Variants in HDAC4 observed in about 807,000 individuals in gnomAD.
HDAC4 encodes histone deacetylase A.
A neutral mutation model predicts 135.1 loss-of-function variants in HDAC4; 16 were observed. The ratio of observed to expected loss-of-function variants is 0.12; its 90% CI spans 0.08 to 0.18. The LOEUF is 0.18. HDAC4 is among the 10% of genes least tolerant of loss of function. The pLI is 1.00. For synonymous variants in HDAC4, 685 were observed against 653.4 expected (o/e 1.05, Z -0.74); for missense variants, 1,143 against 1,511.8 (o/e 0.76, Z 4.05).
intron 2 of HDAC4, among the ~76,000 whole-genome samples, chr2:239,297,738 A>G (rs922986155): frequency 6.6e-6 from 1 of 152,236 alleles, no homozygotes; most frequent in Non-Finnish European, 1.5e-5. Context: ...CTCTGGGCTC[A>G]GCCCCACCTG....
chr2:239,373,749 ACT>A (rs1192537892), intron 1 of HDAC4, among the ~76,000 whole-genome samples: 3 of 151,520 alleles, frequency 2.0e-5, no homozygotes, highest in Non-Finnish European at 2.9e-5. Context: ...TTTTTCCAAA[ACT>A]CTCATTTCTT....
chr2:239,335,214 TGC>T (rs2125837743), intron 2 of HDAC4, among the ~76,000 whole-genome samples: 1 of 152,210 alleles, frequency 6.6e-6, no homozygotes, highest in South Asian at 2.1e-4. Context: ...TAGAATAAAG[TGC>T]AAAAACAGAT....
chr2:239,060,829 G>A (rs921653593), intron 24 of HDAC4, among the ~76,000 whole-genome samples: 2 of 152,268 alleles, frequency 1.3e-5, no homozygotes, highest in African/African-American at 2.4e-5. Context: ...GCCCGGGCCC[G>A]TGTGGGATGC....
chr2:239,186,339 ATC>A (rs1474096186), intron 4 of HDAC4: 1 of 152,270 alleles, frequency 6.6e-6, no homozygotes, highest in Non-Finnish European at 1.5e-5. Flanking sequence ...TGTTCAAGAA[ATC>A]TGTCTGACAA....
upstream of HDAC4, chr2:239,401,358 C>G (rs962925512): frequency 6.4e-6 from 1 of 155,308 alleles, no homozygotes; most frequent in Non-Finnish European, 1.4e-5. Context: ...CGTCCTGGAC[C>G]TCATTGGCTG....
At chr2:239,276,168 C>T (rs891354275) in intron 2 of HDAC4, among the ~76,000 whole-genome samples, 1 of 152,224 alleles carries the variant, frequency 6.6e-6, no homozygotes, top group Non-Finnish European at 1.5e-5. Flanking sequence ...CTGGTGGCAA[C>T]GCAGAGAACC....
intron 19 of HDAC4, among the ~76,000 whole-genome samples, chr2:239,084,882 A>AC (rs140569180): frequency 0.014 from 1,456 of 103,180 alleles, 34 homozygotes; most frequent in African/African-American, 0.048. Context: ...GCCCATACCC[A>AC]CCCCCCCCAC....
chr2:239,371,963 C>T (rs1694653781), intron 1 of HDAC4, among the ~76,000 whole-genome samples: 1 of 152,356 alleles, frequency 6.6e-6, no homozygotes, highest in East Asian at 1.9e-4. Context: ...AAACATCCAG[C>T]AGCTGGCGGA....
At chr2:239,236,553 C>T (rs940870449) in intron 3 of HDAC4, 40 bp downstream of exon 3, 41 of 1,506,874 alleles carry the variant, frequency 2.7e-5, no homozygotes, top group Non-Finnish European at 3.3e-5. Flanking sequence ...TTTGGCTCAG[C>T]GCAGGGCCGG....
chr2:239,238,367 C>G (rs953527430), intron 2 of HDAC4, among the ~76,000 whole-genome samples: 2 of 151,922 alleles, frequency 1.3e-5, no homozygotes, highest in Non-Finnish European at 2.9e-5. Context: ...TCAGAAACAG[C>G]AGAAGGCCCT....
intron 2 of HDAC4, among the ~76,000 whole-genome samples, chr2:239,289,133 G>A (rs1269806695): frequency 1.3e-5 from 2 of 152,214 alleles, no homozygotes; most frequent in Non-Finnish European, 2.9e-5. Context: ...CCCAGAGAAA[G>A]GGTGTAAAGT....
chr2:239,378,893 T>A (rs1695215973), intron 1 of HDAC4, among the ~76,000 whole-genome samples: 1 of 152,208 alleles, frequency 6.6e-6, no homozygotes, highest in Admixed American at 6.5e-5. Flanking sequence ...CCAGGCCTCC[T>A]CGAAGACTGC....
intron 1 of HDAC4, among the ~76,000 whole-genome samples, chr2:239,379,739 C>A (rs903738669): frequency 6.6e-6 from 1 of 152,218 alleles, no homozygotes; most frequent in Non-Finnish European, 1.5e-5. Context: ...TCCAAGCCCC[C>A]CATCGGCTGC....
intron 11 of HDAC4, among the ~76,000 whole-genome samples, chr2:239,128,576 C>T (rs535109165): frequency 2.8e-4 from 42 of 152,032 alleles, no homozygotes; most frequent in African/African-American, 9.6e-4. Flanking sequence ...CAATTGTTGA[C>T]GTGTGTATTA....
In HDAC4 at chr2:239,257,819, A is replaced by G. The variant is rs148676316; in HGVS notation, c.23-21155T>C. 6.5e-3 allele frequency among the ~76,000 whole-genome samples: 984 copies of G among 152,318 alleles called. 13 individuals are homozygous for G. Among genetic ancestry groups the G allele is most frequent in the African/African-American group, 0.023 (940 of 41,562 alleles). Reference sequence around the variant, plus strand: ...AACACACACACTTACACATTCACATATCAGGCAGAGGAAAAGACAACCCAA... The same window carrying G: ...AACACACACACTTACACATTCACATGTCAGGCAGAGGAAAAGACAACCCAA... On this transcript the variant is annotated intron_variant, in intron 2 of 26. Coordinates refer to ENST00000543185, the MANE Select transcript of HDAC4 (RefSeq NM_001378414.1).
intron 2 of HDAC4, among the ~76,000 whole-genome samples, chr2:239,310,080 A>G (rs2052797918): frequency 6.6e-6 from 1 of 152,230 alleles, no homozygotes; most frequent in Non-Finnish European, 1.5e-5. Flanking sequence ...CTGTGCGTAG[A>G]GGTGCTCAGA....
At chr2:239,100,196 C>T (rs2037486519) in intron 16 of HDAC4, among the ~76,000 whole-genome samples, 1 of 152,216 alleles carries the variant, frequency 6.6e-6, no homozygotes, top group Non-Finnish European at 1.5e-5. Context: ...GAATTCCAGA[C>T]ACCTCCTCCT....
chr2:239,070,089 G>A (rs1214276855), intron 22 of HDAC4, among the ~76,000 whole-genome samples: 1 of 151,626 alleles, frequency 6.6e-6, no homozygotes, highest in African/African-American at 2.4e-5. Flanking sequence ...CTGCGACAAT[G>A]CACTTTCCAC....
chr2:239,216,392 G>T (rs1299929502), intron 3 of HDAC4, among the ~76,000 whole-genome samples: 1 of 152,032 alleles, frequency 6.6e-6, no homozygotes, highest in East Asian at 1.9e-4. Flanking sequence ...TGACCTTAAA[G>T]ACAACTGGCG....
Sources: allele counts gnomAD v4.1 joint callset (sites outside exome capture counted in the v4.1 genomes callset), GRCh38; gene constraint gnomAD v4.1.1; transcripts MANE v1.5; gene names NCBI Gene and HGNC (gene_info 2026-07-23, HGNC 2026-07-21).